The following DDAH1 variants were observed in gnomAD, a reference collection of about 807,000 sequenced individuals.
The protein encoded by DDAH1 is N(G),N(G)-dimethylarginine dimethylaminohydrolase 1.
Under a neutral mutation model 28.8 loss-of-function variants are expected in DDAH1, and 19 were observed. That is an observed-to-expected ratio of 0.66 (90% CI 0.46 to 0.97). The LOEUF (loss-of-function observed/expected upper bound fraction) is 0.97. DDAH1 is among the 50% of genes least tolerant of loss of function. DDAH1 has a pLI of 0.00. For missense variants in DDAH1, 326 were observed against 375.9 expected (o/e 0.87, Z 1.10); for synonymous variants, 153 against 154.4 (o/e 0.99, Z 0.07).
intron 1 of DDAH1, among the ~76,000 whole-genome samples, chr1:85,564,180 A>T (rs934550939): frequency 4.0e-5 from 6 of 151,878 alleles, no homozygotes; most frequent in Non-Finnish European, 7.4e-5. Context: ...CAAAAACAAA[A>T]CAAAACAAAA....
intron 1 of DDAH1, among the ~76,000 whole-genome samples, chr1:85,393,165 T>TGGGG (rs2100559228): frequency 2.0e-5 from 3 of 152,342 alleles, no homozygotes; most frequent in African/African-American, 7.2e-5. Context: ...CATCAACAAC[T>TGGGG]AATACTTATA....
At chr1:85,428,202 T>C (rs778760158) in intron 1 of DDAH1, among the ~76,000 whole-genome samples, 4 of 152,122 alleles carry the variant, frequency 2.6e-5, no homozygotes, top group Admixed American at 6.6e-5. Context: ...AGAGGTTTGA[T>C]TGGAGACGGC....
At chr1:85,494,231 T>C (rs544337624) in intron 2 of DDAH1, 6 of 152,336 alleles carry the variant, frequency 3.9e-5, no homozygotes, top group African/African-American at 1.2e-4. Flanking sequence ...ATTTATAGGA[T>C]GGGCATTTAC....
chr1:85,320,177 T>A lies in DDAH1; in HGVS notation c.*1275A>T, dbSNP rs960526080. 6.6e-6 allele frequency: 1 copy of A among 152,618 alleles called. No individual in the cohort carries two copies. Among genetic ancestry groups the A allele is most frequent in the East Asian group, 1.9e-4 (1 of 5,190 alleles). 9.5% of individuals were successfully genotyped at this position (152,618 alleles called of 1,614,324 possible). A position where few individuals can be genotyped will look rare whatever the true frequency, so the allele number is the denominator to read the frequency against. On this transcript the variant is annotated 3_prime_UTR_variant, in exon 6 of 6. Transcript: ENST00000284031. ...AATCATCTCTTCCTTCAGTGCCGCA[T>A]TGTTCTTTGTAAGAGATCCGTGTCA...
intron 1 of DDAH1, among the ~76,000 whole-genome samples, chr1:85,415,348 T>C: frequency 6.6e-6 from 1 of 152,186 alleles, no homozygotes; most frequent in East Asian, 1.9e-4. Context: ...TGTGAGAACA[T>C]AAATGCTTGA....
chr1:85,456,577 T>C (rs1166246016), intron 1 of DDAH1, among the ~76,000 whole-genome samples: 1 of 152,278 alleles, frequency 6.6e-6, no homozygotes, highest in East Asian at 1.9e-4. Flanking sequence ...TGTCTAACTA[T>C]AGGCTAATGT....
intron 1 of DDAH1, among the ~76,000 whole-genome samples, chr1:85,400,355 C>G (rs774690313): frequency 6.6e-6 from 1 of 151,496 alleles, no homozygotes; most frequent in Non-Finnish European, 1.5e-5. Context: ...CTATGCCCAG[C>G]TTTTTTTGTT....
chr1:85,523,320 T>C (rs1277680791), intron 1 of DDAH1, among the ~76,000 whole-genome samples: 8 of 152,118 alleles, frequency 5.3e-5, no homozygotes, highest in Non-Finnish European at 8.8e-5. Context: ...GACTGTTTTC[T>C]GTGCTCACAA....
intron 1 of DDAH1, among the ~76,000 whole-genome samples, chr1:85,402,663 C>T (rs1652169030): frequency 6.6e-6 from 1 of 152,078 alleles, no homozygotes; most frequent in Non-Finnish European, 1.5e-5. Context: ...GTAATCCCAG[C>T]ACTTTGGGAG....
chr1:85,474,708 G>C (rs1419274279), intron 2 of DDAH1, among the ~76,000 whole-genome samples: 1 of 152,176 alleles, frequency 6.6e-6, no homozygotes, highest in Non-Finnish European at 1.5e-5. Context: ...ATTCCGGTGT[G>C]TAGAGAATGG....
At chr1:85,385,432 G>A (rs1651206118) in intron 1 of DDAH1, among the ~76,000 whole-genome samples, 1 of 152,160 alleles carries the variant, frequency 6.6e-6, no homozygotes, top group African/African-American at 2.4e-5. Flanking sequence ...TTTTAAGAAA[G>A]CAACCTCATT....
intron 2 of DDAH1, among the ~76,000 whole-genome samples, chr1:85,486,534 C>G (rs1656208180): frequency 6.6e-6 from 1 of 152,190 alleles, no homozygotes; most frequent in Non-Finnish European, 1.5e-5. Flanking sequence ...AATGTTCTGT[C>G]TTTAAAACTT....
chr1:85,413,886 A>G (rs751608303), intron 1 of DDAH1, among the ~76,000 whole-genome samples: 20 of 152,264 alleles, frequency 1.3e-4, no homozygotes, highest in Non-Finnish European at 2.4e-4. Context: ...ACAGTAACTC[A>G]TATCAAATGC....
chr1:85,554,715 A>G (rs1036873317), intron 1 of DDAH1, among the ~76,000 whole-genome samples: 3 of 152,182 alleles, frequency 2.0e-5, no homozygotes, highest in African/African-American at 7.2e-5. Flanking sequence ...GAAAGAATCA[A>G]TTGTTTTTGG....
At chr1:85,507,688 A>G (rs1432150989) in intron 1 of DDAH1, among the ~76,000 whole-genome samples, 1 of 152,060 alleles carries the variant, frequency 6.6e-6, no homozygotes, top group East Asian at 1.9e-4. Context: ...TGTTTCTAAA[A>G]GTTTTAGCTG....
At chr1:85,404,308 C>CA (rs1652298715) in intron 1 of DDAH1, 1 of 1,447,680 alleles carries the variant, frequency 6.9e-7, no homozygotes, top group Non-Finnish European at 9.3e-7. Context: ...AAACTTCTGC[C>CA]TGTAGGATTG....
At chr1:85,457,579 T>C (rs956614158) in intron 1 of DDAH1, among the ~76,000 whole-genome samples, 1 of 152,172 alleles carries the variant, frequency 6.6e-6, no homozygotes, top group Admixed American at 6.5e-5. Flanking sequence ...ACAACTATTA[T>C]CCCTTTACTA....
At chr1:85,382,894 C>G (rs1651066642) in intron 1 of DDAH1, among the ~76,000 whole-genome samples, 1 of 152,136 alleles carries the variant, frequency 6.6e-6, no homozygotes, top group Admixed American at 6.6e-5. Flanking sequence ...ATATTTTAAG[C>G]CCACTGTTGA....
intron 1 of DDAH1, among the ~76,000 whole-genome samples, chr1:85,437,903 A>G (rs1198849751): frequency 6.6e-6 from 1 of 152,220 alleles, no homozygotes; most frequent in African/African-American, 2.4e-5. Context: ...AACTTCTCAC[A>G]ATAGCAAAGA....
Sources: gnomAD v4.1 joint callset for allele counts (sites outside exome capture counted in the v4.1 genomes callset) on GRCh38, gnomAD v4.1.1 for gene constraint, MANE v1.5 for transcripts, NCBI Gene and HGNC (gene_info 2026-07-23, HGNC 2026-07-21) for gene names.